Variants in SHANK2 observed in about 807,000 individuals in gnomAD.
The protein encoded by SHANK2 is SH3 and multiple ankyrin repeat domains protein 2.
Under a neutral mutation model 133.7 loss-of-function variants are expected in SHANK2, and 43 were observed. That is an observed-to-expected ratio of 0.32 (90% confidence interval 0.25 to 0.41). SHANK2 has a LOEUF of 0.41. Ranked by LOEUF, SHANK2 falls within the 10% of genes least tolerant of loss-of-function variation. The pLI is 1.00. For synonymous variants in SHANK2, 1,017 were observed against 952.8 expected, an observed-to-expected ratio of 1.07 and a Z score of -1.24; for missense variants, 1,994 against 2,235.8, an observed-to-expected ratio of 0.89 and a Z score of 2.18.
chr11:70,771,281 A>G (rs1035299566), intron 14 of SHANK2, among the ~76,000 whole-genome samples: 1 of 152,192 alleles, frequency 6.6e-6, no homozygotes, highest in Admixed American at 6.5e-5. Context: ...ACCATCGCGA[A>G]GGAGTGACGG....
intron 11 of SHANK2, among the ~76,000 whole-genome samples, chr11:70,876,983 C>T (rs1315276930): frequency 1.3e-5 from 2 of 152,162 alleles, no homozygotes; most frequent in Non-Finnish European, 2.9e-5. Context: ...GACTGAGACC[C>T]GGTGAGATTC....
intron 14 of SHANK2, among the ~76,000 whole-genome samples, chr11:70,782,412 G>T (rs1555045375): frequency 6.6e-6 from 1 of 152,222 alleles, no homozygotes; most frequent in African/African-American, 2.4e-5. Flanking sequence ...CCCTGGCATA[G>T]ATGGAAGGAA....
intron 17 of SHANK2, chr11:70,634,353 G>A (rs2061042629): frequency 6.6e-6 from 1 of 152,054 alleles, no homozygotes; most frequent in South Asian, 2.1e-4. Flanking sequence ...GAATTTCTTG[G>A]TAACAAAAGC....
intron 17 of SHANK2, among the ~76,000 whole-genome samples, chr11:70,600,806 A>T (rs2060485350): frequency 6.6e-6 from 1 of 152,208 alleles, no homozygotes; most frequent in Non-Finnish European, 1.5e-5. Flanking sequence ...GAATTCTTGG[A>T]TTAAGGACTT....
At chr11:70,578,073 T>C (rs1414321221) in intron 17 of SHANK2, among the ~76,000 whole-genome samples, 1 of 152,106 alleles carries the variant, frequency 6.6e-6, no homozygotes, top group Non-Finnish European at 1.5e-5. Flanking sequence ...AGCCGCCCAG[T>C]CTGTGGGGCG....
chr11:71,089,436 C>T (rs1001133848), intron 8 of SHANK2, among the ~76,000 whole-genome samples: 2 of 151,626 alleles, frequency 1.3e-5, no homozygotes, highest in South Asian at 2.1e-4. Flanking sequence ...TATGTACATG[C>T]GTGCGTGCGA....
At chr11:70,822,031 C>G (rs1295161504) in intron 11 of SHANK2, among the ~76,000 whole-genome samples, 3 of 152,214 alleles carry the variant, frequency 2.0e-5, no homozygotes, top group Non-Finnish European at 2.9e-5. Flanking sequence ...CTTGGTTTAC[C>G]CAGAGCTCCA....
intron 14 of SHANK2, among the ~76,000 whole-genome samples, chr11:70,754,570 C>A (rs1299238656): frequency 2.0e-5 from 3 of 152,202 alleles, no homozygotes; most frequent in East Asian, 3.8e-4. Context: ...ACAGCCTCCC[C>A]CCGGTGAGCT....
At chr11:70,482,995 C>A (rs371614326) in intron 25 of SHANK2, among the ~76,000 whole-genome samples, 1 of 152,158 alleles carries the variant, frequency 6.6e-6, no homozygotes, top group Admixed American at 6.5e-5. Context: ...TCTCCATGGA[C>A]GGGGTCCCTG....
intron 17 of SHANK2, among the ~76,000 whole-genome samples, chr11:70,619,990 A>C (rs192316635): frequency 2.6e-5 from 4 of 152,158 alleles, no homozygotes; most frequent in African/African-American, 4.8e-5. Context: ...TTAGAAGGAC[A>C]CTTGAGGACC....
chr11:70,800,154 C>T (rs535528768), intron 13 of SHANK2, among the ~76,000 whole-genome samples: 1 of 152,262 alleles, frequency 6.6e-6, no homozygotes, highest in East Asian at 1.9e-4. Flanking sequence ...TCCTGAGTAG[C>T]TGGGATGACA....
At chr11:71,082,154 C>T (rs1018586151) in intron 8 of SHANK2, among the ~76,000 whole-genome samples, 2 of 152,252 alleles carry the variant, frequency 1.3e-5, no homozygotes, top group African/African-American at 2.4e-5. Context: ...ACTGCTCCCA[C>T]GTCCCCTGGC....
At chr11:70,599,433 C>T (rs1565165290) in intron 17 of SHANK2, among the ~76,000 whole-genome samples, 1 of 138,876 alleles carries the variant, frequency 7.2e-6, no homozygotes, top group Non-Finnish European at 1.6e-5. Flanking sequence ...CGGTGAAACC[C>T]CGTCTCTACT....
In SHANK2 at chr11:71,118,861, G is replaced by T. The variant is rs1366247172; in HGVS notation, c.379C>A (p.Gln127Lys). 6.4e-7 allele frequency: 1 copy of T among 1,551,492 alleles called. No individual in the cohort carries two copies. The highest frequency in any genetic ancestry group is 1.4e-5 in the African/African-American group (1 of 73,066). ...DEERLLREYP[Q>K]PVGEGVPSLE... ...GAAGGAACGCCCTCACCCACGGGCT[G>T]TGGGTACTCGCGCAGGAGCCGCTCC... Residue 127 changes from glutamine (Q) to lysine (K), a missense_variant, in exon 4 of 26, where the codon CAG becomes AAG. This residue lies in a region of SHANK2 where 653 missense variants were observed against 563.4 expected (regional missense o/e 1.16). Transcript: ENST00000601538.
intron 17 of SHANK2, among the ~76,000 whole-genome samples, chr11:70,554,623 C>T (rs1017927624): frequency 2.0e-5 from 3 of 152,084 alleles, no homozygotes; most frequent in East Asian, 1.9e-4. Context: ...ATTAATGAAC[C>T]GATACTGACA....
At chr11:71,198,273 T>A (rs1555116520) in intron 2 of SHANK2, among the ~76,000 whole-genome samples, 1 of 152,288 alleles carries the variant, frequency 6.6e-6, no homozygotes, top group African/African-American at 2.4e-5. Flanking sequence ...ATGTTATGAA[T>A]GTTGTGGCTG....
chr11:71,210,410 G>A (rs899510941), intron 2 of SHANK2, among the ~76,000 whole-genome samples: 1 of 150,340 alleles, frequency 6.7e-6, no homozygotes, highest in East Asian at 2.0e-4. Context: ...CACCACGCCC[G>A]GCTAATTTTT....
chr11:70,734,792 C>T (rs1014632282), intron 14 of SHANK2, among the ~76,000 whole-genome samples: 4 of 152,202 alleles, frequency 2.6e-5, no homozygotes, highest in South Asian at 2.1e-4. Context: ...CTGCTGGCCC[C>T]GAGGGCCTAC....
intron 1 of SHANK2, among the ~76,000 whole-genome samples, chr11:71,248,798 TC>T (rs1452982406): frequency 3.9e-5 from 6 of 151,938 alleles, no homozygotes; most frequent in African/African-American, 1.2e-4. Context: ...AGGGTTTGTA[TC>T]CCCCCACCCC....
Sources: allele counts gnomAD v4.1 joint callset (sites outside exome capture counted in the v4.1 genomes callset), GRCh38; gene constraint gnomAD v4.1.1; regional missense constraint gnomAD v4.1.1; transcripts MANE v1.5; gene names NCBI Gene and HGNC (gene_info 2026-07-23, HGNC 2026-07-21).